The following ATP9B variants were observed in gnomAD, a reference collection of about 807,000 sequenced individuals.
ATP9B encodes ATPase phospholipid transporting 9B.
In ATP9B, 110 loss-of-function variants were observed where a neutral mutation model predicts 146.1. That is an observed-to-expected ratio of 0.75 (90% CI 0.65 to 0.88). ATP9B has a LOEUF of 0.88. Ranked by LOEUF, ATP9B falls within the 40% of genes least tolerant of loss-of-function variation. ATP9B has a pLI of 0.00. For missense variants in ATP9B, 1,499 were observed against 1,496.4 expected (o/e 1.00, Z -0.03); for synonymous variants, 604 against 569.7 (o/e 1.06, Z -0.86).
At chr18:79,131,165 A>G (rs2094371922) in intron 5 of ATP9B, among the ~76,000 whole-genome samples, 1 of 152,226 alleles carries the variant, frequency 6.6e-6, no homozygotes, top group South Asian at 2.1e-4. Flanking sequence ...CGTCTCAAAA[A>G]AAAAAAGTTG....
intron 9 of ATP9B, among the ~76,000 whole-genome samples, chr18:79,195,050 A>C (rs1403727247): frequency 6.6e-6 from 1 of 152,158 alleles, no homozygotes; most frequent in Non-Finnish European, 1.5e-5. Context: ...AGGAAGAAAA[A>C]GACAAAGTTG....
At chr18:79,331,936 G>C (rs189299101) in intron 17 of ATP9B, among the ~76,000 whole-genome samples, 1 of 152,134 alleles carries the variant, frequency 6.6e-6, no homozygotes, top group African/African-American at 2.4e-5. Context: ...TGAACAACAC[G>C]AGGGCCAGGG....
intron 15 of ATP9B, among the ~76,000 whole-genome samples, chr18:79,325,388 T>C (rs1405601934): frequency 2.0e-5 from 3 of 152,210 alleles, no homozygotes; most frequent in Admixed American, 2.0e-4. Context: ...CCAGAATCAT[T>C]CTATTCCATA....
intron 11 of ATP9B, among the ~76,000 whole-genome samples, chr18:79,242,670 C>T (rs2095900825): frequency 6.6e-6 from 1 of 152,190 alleles, no homozygotes; most frequent in African/African-American, 2.4e-5. Flanking sequence ...CCATGCATTT[C>T]TTTATTTGGA....
chr18:79,322,897 T>C (rs2096723696), intron 15 of ATP9B, among the ~76,000 whole-genome samples: 1 of 152,234 alleles, frequency 6.6e-6, no homozygotes. Context: ...TCCTGAAATA[T>C]GGTAGAGACT....
At chr18:79,169,019 AGAGGCAGCATATTTGTG>A (rs917173171) in intron 7 of ATP9B, among the ~76,000 whole-genome samples, 4 of 152,112 alleles carry the variant, frequency 2.6e-5, no homozygotes, top group Non-Finnish European at 5.9e-5. Flanking sequence ...TCATGCTTGC[AGAGGCAGCATATTTGTG>A]GAGGCAGCGT....
At chr18:79,361,913 C>T (rs1039267387) in intron 26 of ATP9B, 43 of 557,212 alleles carry the variant, frequency 7.7e-5, no homozygotes, top group East Asian at 1.4e-4. Flanking sequence ...CTGCTCTCAA[C>T]AAGTCTGTAT....
At chr18:79,097,320 C>T (rs961585060) in intron 2 of ATP9B, among the ~76,000 whole-genome samples, 3 of 151,634 alleles carry the variant, frequency 2.0e-5, no homozygotes, top group African/African-American at 7.3e-5. Flanking sequence ...CTCAGATTCA[C>T]CTATATTTTT....
chr18:79,337,898 C>T (rs2096836529), intron 19 of ATP9B, among the ~76,000 whole-genome samples: 1 of 152,204 alleles, frequency 6.6e-6, no homozygotes, highest in South Asian at 2.1e-4. Context: ...CTGCACCTGG[C>T]AAGGCTGGGC....
chr18:79,354,903 C>T (rs2096942524), intron 25 of ATP9B, among the ~76,000 whole-genome samples: 1 of 152,228 alleles, frequency 6.6e-6, no homozygotes. Context: ...AGATGGCTTT[C>T]AGATGATCGT....
chr18:79,327,699 G>A (rs1170523866), intron 15 of ATP9B, among the ~76,000 whole-genome samples: 9 of 138,424 alleles, frequency 6.5e-5, no homozygotes, highest in South Asian at 2.4e-4. Context: ...TCCGTGGTTA[G>A]TGTGCTCTCT....
At chr18:79,094,244 T>A (rs933065550) in intron 1 of ATP9B, among the ~76,000 whole-genome samples, 1 of 152,212 alleles carries the variant, frequency 6.6e-6, no homozygotes, top group Non-Finnish European at 1.5e-5. Context: ...TTTGGGCACA[T>A]TTTTGCAGCT....
intron 5 of ATP9B, among the ~76,000 whole-genome samples, chr18:79,143,203 A>G (rs2094535068): frequency 6.6e-6 from 1 of 152,200 alleles, no homozygotes; most frequent in Non-Finnish European, 1.5e-5. Context: ...CATATTATAC[A>G]TGATATTTAA....
intron 11 of ATP9B, among the ~76,000 whole-genome samples, chr18:79,245,995 CTG>C (rs1351452366): frequency 4.8e-4 from 64 of 132,640 alleles, no homozygotes; most frequent in African/African-American, 2.0e-3. Flanking sequence ...GCCCTACTGT[CTG>C]TGCGGAGGGC....
chr18:79,071,335 G>T (rs1443587456), intron 1 of ATP9B, among the ~76,000 whole-genome samples: 1 of 147,294 alleles, frequency 6.8e-6, no homozygotes, highest in Non-Finnish European at 1.5e-5. Context: ...TAAAACTCAT[G>T]ATGATAAAGA....
In ATP9B at chr18:79,263,942, G is replaced by A. The variant is rs957170482; in HGVS notation, c.1268+10401G>A. ...TACTAAAAAATACAAAAAATTAGCC[G>A]GGCGTGGTAGCGGGTGCCTGTAGTC... On this transcript the variant is annotated intron_variant, in intron 12 of 29. Transcript: ENST00000426216. Among the ~76,000 whole-genome samples the A allele has an allele frequency of 3.3e-5, 5 of 152,102 alleles. No homozygotes were observed. In the South Asian group the frequency reaches 1.0e-3, roughly 32 times the overall value.
chr18:79,321,549 A>T (rs552724080), intron 15 of ATP9B, among the ~76,000 whole-genome samples: 14 of 152,292 alleles, frequency 9.2e-5, no homozygotes, highest in African/African-American at 3.4e-4. Context: ...ACTCCTGGCT[A>T]TGTTTAATTT....
chr18:79,143,999 T>C, intron 6 of ATP9B, 139 bp downstream of exon 6: 1 of 508,202 alleles, frequency 2.0e-6, no homozygotes, highest in South Asian at 5.3e-5. Flanking sequence ...ATTTGTTGTA[T>C]GTGAAGAAAA....
chr18:79,261,854 C>T (rs1463027235), intron 12 of ATP9B, among the ~76,000 whole-genome samples: 1 of 152,138 alleles, frequency 6.6e-6, no homozygotes, highest in Non-Finnish European at 1.5e-5. Context: ...GAGGATGTCT[C>T]CTTGTCCTAC....
Sources: gnomAD v4.1 joint callset for allele counts (sites outside exome capture counted in the v4.1 genomes callset) on GRCh38, gnomAD v4.1.1 for gene constraint, MANE v1.5 for transcripts, NCBI Gene and HGNC (gene_info 2026-07-23, HGNC 2026-07-21) for gene names.